NTRK3: variants seen among roughly 807,000 people sequenced by gnomAD.
NTRK3 encodes neurotrophic receptor tyrosine kinase 3.
NTRK3 carries 24 observed loss-of-function variants against 91.7 expected under a neutral mutation model. The ratio of observed to expected loss-of-function variants is 0.26; its 90% confidence interval spans 0.19 to 0.37. NTRK3 has a LOEUF of 0.37. NTRK3 is among the 10% of genes least tolerant of loss of function. The pLI, the probability that NTRK3 is intolerant of heterozygous loss-of-function variation, is 1.00. For synonymous variants in NTRK3, 483 were observed against 404.0 expected (o/e 1.20, Z -2.34); for missense variants, 880 against 1,068.9 (o/e 0.82, Z 2.46).
rs79573370 is a variant in NTRK3, at chr15:88,087,534, G to C, written c.1396+38737C>G. ...GACAGGAGGAAGAGAGTGTAGGCAGGAACATTACCTGTGAGAAAGCTCAGC... is the reference window on the plus strand; with the variant it reads ...GACAGGAGGAAGAGAGTGTAGGCAGCAACATTACCTGTGAGAAAGCTCAGC... On this transcript the variant is annotated intron_variant, in intron 13 of 18. Coordinates refer to ENST00000394480, the Ensembl canonical transcript of NTRK3. Among the ~76,000 whole-genome samples, 343 of 152,282 alleles carry C rather than the reference G, an allele frequency of 2.3e-3. 2 individuals are homozygous for C. Among genetic ancestry groups the C allele is most frequent in the Non-Finnish European group, 4.0e-3 (274 of 68,022 alleles).
chr15:88,032,396 G>T (rs1469292558), intron 14 of NTRK3, among the ~76,000 whole-genome samples: 1 of 152,172 alleles, frequency 6.6e-6, no homozygotes, highest in Non-Finnish European at 1.5e-5. Flanking sequence ...CGGGGCACTG[G>T]AGGGGCAGCT....
At chr15:88,239,146 G>A (rs1487341466) in intron 3 of NTRK3, among the ~76,000 whole-genome samples, 1 of 151,798 alleles carries the variant, frequency 6.6e-6, no homozygotes, top group East Asian at 1.9e-4. Context: ...CCTCTCAAAG[G>A]TGGGACTGGA....
At chr15:88,161,265 G>A (rs1035112592) in intron 5 of NTRK3, among the ~76,000 whole-genome samples, 1 of 152,130 alleles carries the variant, frequency 6.6e-6, no homozygotes, top group Admixed American at 6.5e-5. Context: ...GGAGATTACA[G>A]AGCAAGTGAG....
chr15:87,984,016 A>C (rs1226806706), intron 14 of NTRK3, among the ~76,000 whole-genome samples: 1 of 152,174 alleles, frequency 6.6e-6, no homozygotes, highest in Non-Finnish European at 1.5e-5. Flanking sequence ...AAGGAAACCC[A>C]AACTCTGTCT....
At chr15:87,979,081 G>A (rs1166627400) in intron 14 of NTRK3, 6 of 570,428 alleles carry the variant, frequency 1.1e-5, no homozygotes, top group South Asian at 6.4e-5. Flanking sequence ...CTCTTTATTG[G>A]CTCTAAAGAT....
chr15:88,112,608 T>C (rs1338228032), intron 13 of NTRK3, among the ~76,000 whole-genome samples: 2 of 152,006 alleles, frequency 1.3e-5, no homozygotes, highest in Admixed American at 1.3e-4. Flanking sequence ...TTAAGCAGGG[T>C]GAATGTTTAA....
At chr15:87,876,365 G>C in exon 19 of NTRK3, 1 of 229,898 alleles carries the variant, frequency 4.3e-6, no homozygotes, top group East Asian at 6.2e-5. Context: ...ACCCTGCTCA[G>C]GCATCATTTC....
chr15:88,084,896 G>A (rs2048363001), intron 13 of NTRK3, among the ~76,000 whole-genome samples: 1 of 152,208 alleles, frequency 6.6e-6, no homozygotes, highest in Non-Finnish European at 1.5e-5. Context: ...CAAGGGGCAT[G>A]TAGAACCATA....
At chr15:87,865,717 A>G in exon 19 of NTRK3, 1 of 223,442 alleles carries the variant, frequency 4.5e-6, no homozygotes, top group Non-Finnish European at 8.9e-6. Context: ...ATGGCAAGGA[A>G]TTAAATGCAG....
intron 13 of NTRK3, among the ~76,000 whole-genome samples, chr15:88,035,717 A>G (rs2079013691): frequency 6.6e-6 from 1 of 152,214 alleles, no homozygotes; most frequent in African/African-American, 2.4e-5. Context: ...AGACAAGTAG[A>G]CAATCAGCGA....
chr15:88,134,665 CCTG>C, intron 10 of NTRK3, among the ~76,000 whole-genome samples: 1 of 152,316 alleles, frequency 6.6e-6, no homozygotes, highest in South Asian at 2.1e-4. Flanking sequence ...GGTGTCAAAC[CCTG>C]TGACGTGCTT....
At chr15:88,057,567 C>T (rs2045833840) in intron 13 of NTRK3, among the ~76,000 whole-genome samples, 2 of 152,150 alleles carry the variant, frequency 1.3e-5, no homozygotes, top group South Asian at 4.1e-4. Flanking sequence ...TGGCCAATTC[C>T]AGAAGGTGGA....
intron 13 of NTRK3, among the ~76,000 whole-genome samples, chr15:88,052,290 G>C (rs1567298518): frequency 1.3e-5 from 2 of 152,216 alleles, no homozygotes; most frequent in Non-Finnish European, 2.9e-5. Context: ...TGAGACATCA[G>C]CATGGCTGCC....
exon 19 of NTRK3, chr15:87,865,753 T>C: frequency 8.8e-6 from 2 of 226,380 alleles, no homozygotes; most frequent in East Asian, 6.3e-5. Context: ...TGCTACAAAA[T>C]GTCAGAGTTC....
At chr15:88,089,125 C>G (rs961386880) in intron 13 of NTRK3, among the ~76,000 whole-genome samples, 4 of 151,036 alleles carry the variant, frequency 2.6e-5, no homozygotes, top group Non-Finnish European at 5.9e-5. Context: ...TCTAAGCTGT[C>G]CTTAGTGTGG....
intron 13 of NTRK3, among the ~76,000 whole-genome samples, chr15:88,120,510 G>A (rs1166102302): frequency 6.6e-6 from 1 of 152,208 alleles, no homozygotes; most frequent in Non-Finnish European, 1.5e-5. Context: ...AGCCCAAGCA[G>A]CAGTTCTTGA....
chr15:88,135,925 T>C (rs372972530), exon 9 of NTRK3: 3 of 1,614,248 alleles, frequency 1.9e-6, no homozygotes, highest in South Asian at 2.2e-5. Flanking sequence ...AACACTGGCA[T>C]TGCTCATGCC....
intron 13 of NTRK3, among the ~76,000 whole-genome samples, chr15:88,051,396 G>C (rs921316438): frequency 6.6e-6 from 1 of 152,124 alleles, no homozygotes; most frequent in Non-Finnish European, 1.5e-5. Flanking sequence ...TCTGTCTCTC[G>C]CTAGTGATTC....
exon 3 of NTRK3, chr15:88,256,156 C>T: frequency 1.9e-6 from 3 of 1,599,100 alleles, no homozygotes; most frequent in Non-Finnish European, 2.5e-6. Flanking sequence ...ACATCCATCT[C>T]CGATCGCTGC....
Sources: allele counts gnomAD v4.1 joint callset (sites outside exome capture counted in the v4.1 genomes callset), GRCh38; gene constraint gnomAD v4.1.1; transcripts MANE v1.5; gene names NCBI Gene and HGNC (gene_info 2026-07-23, HGNC 2026-07-21).